The following TRPM6 variants were observed in gnomAD, a reference collection of about 807,000 sequenced individuals.
TRPM6 encodes transient receptor potential cation channel subfamily M member 6.
In TRPM6, 111 loss-of-function variants were observed where a neutral mutation model predicts 247.6. The ratio of observed to expected loss-of-function variants is 0.45; its 90% CI spans 0.38 to 0.52. The LOEUF (loss-of-function observed/expected upper bound fraction) is 0.52, where lower values mean the gene tolerates loss of function less well. TRPM6 is among the 20% of genes least tolerant of loss of function. The pLI, the probability that TRPM6 is intolerant of heterozygous loss-of-function variation, is 0.00. For missense variants in TRPM6, 2,126 were observed against 2,421.5 expected (o/e 0.88, Z 2.56); for synonymous variants, 892 against 853.8 (o/e 1.04, Z -0.78).
At position 74,786,114 on chromosome 9, in the gene TRPM6, T is replaced by C; in HGVS notation, c.2679A>G (p.Ser893=). 6.2e-7 allele frequency: 1 copy of C among 1,614,172 alleles called. No homozygotes were observed. The highest frequency in any genetic ancestry group is 8.5e-7 in the Non-Finnish European group (1 of 1,180,008). The stretch of plus-strand genomic sequence containing the variant: ...CCTTTTGGGTAAACTTCCCAGGTTC[T>C]GAAATACAGATCTAAAAGAAGGAAG... The part of the protein sequence containing the change: ...AIEVVREICI[S]EPGKFTQKVK... Residue 893 remains serine (S), a synonymous_variant, in exon 21 of 39, where the codon TCA becomes TCG. Coordinates refer to ENST00000360774, the MANE Select transcript of TRPM6 (RefSeq NM_017662.5).
intron 1 of TRPM6, among the ~76,000 whole-genome samples, chr9:74,884,444 G>A (rs144160097): frequency 6.6e-6 from 1 of 152,190 alleles, no homozygotes; most frequent in Non-Finnish European, 1.5e-5. Flanking sequence ...AGCTGAGATC[G>A]TGCCACTGCA....
In TRPM6 at chr9:74,782,469, T is replaced by G. The variant is rs1827496879; in HGVS notation, c.3102A>C (p.Ser1034=). The change falls in exon 23 of 39, where the codon TCA becomes TCC. Residue 1034 remains serine (S), a synonymous_variant. Transcript: ENST00000360774. ...AACCAGGAGGGCAGGATGGCTGGCT[T>G]GAACAAACTACAAATAAAGAATTTT... The part of the protein sequence containing the change: ...EVYAGEIDVC[S]SQPSCPPGSF... The G allele has an allele frequency of 6.2e-7, 1 of 1,612,756 alleles. No individual in the cohort carries two copies. The highest frequency in any genetic ancestry group is 1.3e-5 in the African/African-American group (1 of 74,854).
intron 14 of TRPM6, among the ~76,000 whole-genome samples, chr9:74,805,799 A>G (rs940414692): frequency 9.2e-5 from 14 of 152,258 alleles, no homozygotes; most frequent in African/African-American, 3.4e-4. Flanking sequence ...ACTGGAAAAA[A>G]AAAAGTGCCT....
At chr9:74,734,098 G>T (rs887267390) in intron 36 of TRPM6, among the ~76,000 whole-genome samples, 1 of 152,172 alleles carries the variant, frequency 6.6e-6, no homozygotes, top group East Asian at 1.9e-4. Flanking sequence ...ATCAAAACAG[G>T]AATCAGCACC....
At chr9:74,875,500 G>A (rs1162573683) in intron 1 of TRPM6, among the ~76,000 whole-genome samples, 2 of 152,054 alleles carry the variant, frequency 1.3e-5, no homozygotes, top group Admixed American at 6.6e-5. Context: ...CCAAGATCGT[G>A]CCACTGCACT....
intron 14 of TRPM6, 96 bp from the exon 15 acceptor site, chr9:74,803,982 A>G: frequency 1.2e-6 from 1 of 812,662 alleles, no homozygotes; most frequent in South Asian, 1.4e-5. Context: ...AGTGGTAACA[A>G]TATTTTATTT....
Position 74,796,911 on chromosome 9 carries a change from G to C in TRPM6, c.2239-18C>G. ...ATAATAATCTGTAAAAGAAAAAAAA[G>C]CAAAACAAAGTAGTAGGGACTACAA... is the stretch of plus-strand genomic sequence containing the variant. On this transcript the variant is annotated intron_variant, in intron 17 of 38. Transcript: ENST00000360774. The C allele has an allele frequency of 6.2e-7, 1 of 1,605,194 alleles. No individual in the cohort carries two copies. Among genetic ancestry groups the C allele is most frequent in the Non-Finnish European group, 8.5e-7 (1 of 1,172,284 alleles).
At chr9:74,816,019 G>A (rs1828909773) in intron 11 of TRPM6, among the ~76,000 whole-genome samples, 2 of 152,046 alleles carry the variant, frequency 1.3e-5, no homozygotes, top group South Asian at 4.1e-4. Flanking sequence ...AGTAAACTTT[G>A]AGTTTTAAAT....
At chr9:74,833,718 C>T (rs1415182602) in intron 6 of TRPM6, among the ~76,000 whole-genome samples, 1 of 152,102 alleles carries the variant, frequency 6.6e-6, no homozygotes, top group African/African-American at 2.4e-5. Flanking sequence ...AAGAAGAAAT[C>T]AGATTTTAGA....
chr9:74,743,059 C>A (rs902308726), intron 32 of TRPM6, among the ~76,000 whole-genome samples: 6 of 152,248 alleles, frequency 3.9e-5, no homozygotes, highest in Non-Finnish European at 8.8e-5. Flanking sequence ...AGCCGAAGAC[C>A]GATTTTAATT....
chr9:74,754,215 A>G (rs1301778423), intron 28 of TRPM6, among the ~76,000 whole-genome samples: 1 of 152,152 alleles, frequency 6.6e-6, no homozygotes, highest in African/African-American at 2.4e-5. Context: ...GTCAAGGTAA[A>G]TTAAGCTCTC....
chr9:74,790,006 ATG>A (rs71912381), intron 19 of TRPM6, among the ~76,000 whole-genome samples: 3,847 of 132,556 alleles, frequency 0.029, 151 homozygotes, highest in African/African-American at 0.094. Flanking sequence ...TGAGAGAAAA[ATG>A]TGTGTGTGTG....
intron 29 of TRPM6, 94 bp from the exon 30 acceptor site, chr9:74,750,816 CCTT>C (rs1467983416): frequency 1.5e-5 from 17 of 1,149,922 alleles, no homozygotes; most frequent in South Asian, 2.5e-5. Flanking sequence ...CTTGGAGAAT[CCTT>C]CTTTTTTCTT....
At chr9:74,840,419 A>T (rs1829894043) in intron 4 of TRPM6, among the ~76,000 whole-genome samples, 182 bp from the exon 5 acceptor site, 1 of 152,228 alleles carries the variant, frequency 6.6e-6, no homozygotes, top group South Asian at 2.1e-4. Flanking sequence ...CCACACTCCC[A>T]TTAAGTTCCT....
chr9:74,734,214 A>T (rs147305816), intron 36 of TRPM6, among the ~76,000 whole-genome samples: 119 of 152,312 alleles, frequency 7.8e-4, no homozygotes, highest in African/African-American at 2.7e-3. Context: ...GCGATTTCTG[A>T]GATCATTCTC....
rs1350410107 is a variant in TRPM6 at position 74,761,684 on chromosome 9, CAG to C, written c.4785+10_4785+11del. The stretch of plus-strand genomic sequence containing the variant: ...GCTCAAAACCTAAAAGACAGAATAA[CAG>C]TACACTTACTGGCACCTGGAGTCCT... On this transcript the variant is annotated intron_variant, in intron 27 of 38. Transcript: ENST00000360774. 6.6e-7 allele frequency: 1 copy of C among 1,523,534 alleles called. No homozygotes were observed. Among genetic ancestry groups the C allele is most frequent in the East Asian group, 2.3e-5 (1 of 44,356 alleles). 94.4% of individuals were successfully genotyped at this position (1,523,534 alleles called of 1,614,324 possible).
chr9:74,743,908 T>C (rs1825944898), intron 32 of TRPM6, among the ~76,000 whole-genome samples, 187 bp downstream of exon 32: 1 of 152,252 alleles, frequency 6.6e-6, no homozygotes, highest in Admixed American at 6.5e-5. Context: ...TCTTAAATTC[T>C]GAAAACTTGT....
chr9:74,745,665 C>T (rs1013672456), intron 31 of TRPM6, among the ~76,000 whole-genome samples: 5 of 152,000 alleles, frequency 3.3e-5, no homozygotes, highest in African/African-American at 1.2e-4. Flanking sequence ...GTGTGAATGC[C>T]CTGGGGCAGG....
In TRPM6 at chr9:74,739,920, C is replaced by T. The variant is rs557681629; in HGVS notation, c.5290G>A (p.Ala1764Thr). Residue 1764 changes from alanine (A) to threonine (T), a missense_variant, in exon 34 of 39, where the codon GCG (alanine) becomes ACG (threonine). Physicochemically the swap from Ala to Thr is moderately conservative, Grantham distance 58 (BLOSUM62 0). Transcript: ENST00000360774. ...CGGGACAATACCTGGATCATTGCCG[C>T]TCTCCCACGCTGAGACCAAGAGGAC... ...SMSSWSQRGR[A>T]AMIQVLSREE... 3.7e-6 allele frequency: 6 copies of T among 1,614,100 alleles called. No homozygotes were observed. The highest frequency in any genetic ancestry group is 1.1e-5 in the South Asian group (1 of 91,076).
Sources: gnomAD v4.1 joint callset for allele counts (sites outside exome capture counted in the v4.1 genomes callset) on GRCh38, gnomAD v4.1.1 for gene constraint, MANE v1.5 for transcripts, NCBI Gene and HGNC (gene_info 2026-07-23, HGNC 2026-07-21) for gene names.